The following NME7 variants were observed in gnomAD, a reference collection of about 807,000 sequenced individuals.
NME7 encodes nucleoside diphosphate kinase 7.
NME7 carries 41 observed loss-of-function variants against 49.1 expected under a neutral mutation model. The ratio of observed to expected loss-of-function variants is 0.83; its 90% CI spans 0.65 to 1.08. The LOEUF is 1.08. Ranked by LOEUF, NME7 falls within the 50% of genes least tolerant of loss-of-function variation. The pLI is 0.00. For synonymous variants in NME7, 139 were observed against 150.6 expected (o/e 0.92, Z 0.56); for missense variants, 423 against 463.4 (o/e 0.91, Z 0.80).
At chr1:169,304,885 C>T (rs552989959) in intron 4 of NME7, among the ~76,000 whole-genome samples, 5 of 152,034 alleles carry the variant, frequency 3.3e-5, no homozygotes, top group Non-Finnish European at 7.4e-5. Context: ...TGCATTACAG[C>T]CTAAAATGGG....
At chr1:169,305,073 T>C (rs1435981771) in intron 4 of NME7, among the ~76,000 whole-genome samples, 1 of 152,218 alleles carries the variant, frequency 6.6e-6, no homozygotes, top group Non-Finnish European at 1.5e-5. Context: ...TTACTAAAAA[T>C]GTTTCATTGT....
chr1:169,157,180 T>C (rs1381544987), intron 11 of NME7, among the ~76,000 whole-genome samples: 1 of 152,160 alleles, frequency 6.6e-6, no homozygotes, highest in African/African-American at 2.4e-5. Flanking sequence ...CATTGAGACA[T>C]TTCCGCCACA....
At chr1:169,201,610 G>A (rs1348044793) in intron 10 of NME7, among the ~76,000 whole-genome samples, 1 of 152,130 alleles carries the variant, frequency 6.6e-6, no homozygotes, top group Non-Finnish European at 1.5e-5. Flanking sequence ...GTTGGGGAAA[G>A]GCAAAAGCAA....
In NME7 at chr1:169,132,693, A is replaced by G; in HGVS notation, c.*92T>C. 1 of 1,243,938 alleles carries G rather than the reference A, an allele frequency of 8.0e-7. No individual in the cohort carries two copies. Among genetic ancestry groups the G allele is most frequent in the Non-Finnish European group, 1.2e-6 (1 of 862,574 alleles). 77.1% of individuals were successfully genotyped at this position (1,243,938 alleles called of 1,614,324 possible). A position where few individuals can be genotyped will look rare whatever the true frequency, so the allele number is the denominator to read the frequency against. On this transcript the variant is annotated 3_prime_UTR_variant, in exon 12 of 12. Transcript: ENST00000367811. ...TGATCTTGTATTCAGTCAGGTTAAA[A>G]CAACGGACAATAAAAGAATGAACAC...
chr1:169,179,103 G>T (rs1423862976), intron 10 of NME7, among the ~76,000 whole-genome samples: 1 of 152,162 alleles, frequency 6.6e-6, no homozygotes, highest in African/African-American at 2.4e-5. Flanking sequence ...TTACAGGCAT[G>T]AGCCACCGCA....
chr1:169,347,920 G>A (rs774541536), intron 1 of NME7, among the ~76,000 whole-genome samples: 2 of 152,120 alleles, frequency 1.3e-5, no homozygotes, highest in African/African-American at 4.8e-5. Flanking sequence ...ATTTTTTCCT[G>A]TATGTCATAT....
At chr1:169,215,015 A>G (rs995019239) in intron 10 of NME7, among the ~76,000 whole-genome samples, 2 of 152,228 alleles carry the variant, frequency 1.3e-5, no homozygotes, top group Non-Finnish European at 1.5e-5. Flanking sequence ...GTGGGCCCCG[A>G]ATTCTTGTCT....
At chr1:169,355,399 C>A (rs1653435347) in intron 1 of NME7, among the ~76,000 whole-genome samples, 1 of 122,598 alleles carries the variant, frequency 8.2e-6, no homozygotes, top group Non-Finnish European at 1.7e-5. Context: ...CACACATATA[C>A]CTGCTATGTA....
intron 11 of NME7, among the ~76,000 whole-genome samples, chr1:169,166,646 G>C (rs976871937): frequency 6.6e-6 from 1 of 152,094 alleles, no homozygotes; most frequent in Non-Finnish European, 1.5e-5. Context: ...ATTTTGTAGG[G>C]GTGGAGTAAA....
At chr1:169,190,705 T>C (rs1315737935) in intron 10 of NME7, 2 of 431,398 alleles carry the variant, frequency 4.6e-6, no homozygotes, top group African/African-American at 2.1e-5. Context: ...GATTTGGGGG[T>C]CTGGGGAGAG....
At chr1:169,221,650 T>C (rs1327789105) in intron 10 of NME7, among the ~76,000 whole-genome samples, 1 of 151,844 alleles carries the variant, frequency 6.6e-6, no homozygotes. Flanking sequence ...GTGTGCCAGG[T>C]AGTATATGTG....
chr1:169,138,330 A>T (rs189713871), intron 11 of NME7, among the ~76,000 whole-genome samples: 7 of 151,896 alleles, frequency 4.6e-5, no homozygotes, highest in Admixed American at 1.3e-4. Context: ...AAATAAAAAT[A>T]AAAAAAAGAC....
intron 3 of NME7, among the ~76,000 whole-genome samples, chr1:169,315,747 A>T (rs1651599462): frequency 6.6e-6 from 1 of 152,200 alleles, no homozygotes; most frequent in South Asian, 2.1e-4. Flanking sequence ...AATAAACATA[A>T]TTCTAAATAA....
chr1:169,313,456 A>C (rs911422378), intron 3 of NME7, among the ~76,000 whole-genome samples: 3 of 152,178 alleles, frequency 2.0e-5, no homozygotes, highest in Non-Finnish European at 4.4e-5. Context: ...AAGCAGTCTC[A>C]AAACTTAGAA....
rs191747916 is a variant in NME7, at chr1:169,355,833, T to C, written c.3+11875A>G. ...ACTACATATTTGTTTATTCTGCATC[T>C]CCCCAGAAATTTTAGCTCCATAAGG... On this transcript the variant is annotated intron_variant, in intron 1 of 11. Coordinates refer to ENST00000367811, the MANE Select transcript of NME7 (RefSeq NM_013330.5). Among the ~76,000 whole-genome samples, 351 of 152,248 alleles carry C rather than the reference T, an allele frequency of 2.3e-3. 1 individual carries two copies. Among genetic ancestry groups the C allele is most frequent in the African/African-American group, 8.1e-3 (337 of 41,558 alleles).
intron 11 of NME7, among the ~76,000 whole-genome samples, chr1:169,148,354 C>T (rs1278591287): frequency 1.3e-5 from 2 of 152,146 alleles, no homozygotes; most frequent in Admixed American, 6.6e-5. Flanking sequence ...AATACATGTG[C>T]TCTTGAAAAC....
chr1:169,271,665 T>A (rs1649496563), intron 7 of NME7, among the ~76,000 whole-genome samples: 1 of 133,802 alleles, frequency 7.5e-6, no homozygotes, highest in Non-Finnish European at 1.8e-5. Context: ...CAGGATATTC[T>A]GGCCTTTTTT....
At chr1:169,356,441 G>T (rs1653470717) in intron 1 of NME7, among the ~76,000 whole-genome samples, 1 of 152,066 alleles carries the variant, frequency 6.6e-6, no homozygotes, top group South Asian at 2.1e-4. Flanking sequence ...GAAAAAACGT[G>T]TAGGAGCATT....
At chr1:169,269,477 C>A in intron 7 of NME7, among the ~76,000 whole-genome samples, 1 of 134,010 alleles carries the variant, frequency 7.5e-6, no homozygotes, top group Non-Finnish European at 1.8e-5. Flanking sequence ...TGTCATGCCT[C>A]TTTCACAGTA....
Sources: allele counts gnomAD v4.1 joint callset (sites outside exome capture counted in the v4.1 genomes callset), GRCh38; gene constraint gnomAD v4.1.1; transcripts MANE v1.5; gene names NCBI Gene and HGNC (gene_info 2026-07-23, HGNC 2026-07-21).